The following MMP2 variants were observed in gnomAD, a reference collection of about 807,000 sequenced individuals.
MMP2 encodes matrix metallopeptidase 2.
In MMP2, 39 loss-of-function variants were observed where a neutral mutation model predicts 74.8. The observed-to-expected ratio is 0.52, with a 90% CI of 0.40 to 0.68. The LOEUF is 0.68. MMP2 is among the 30% of genes least tolerant of loss of function. The probability of loss-of-function intolerance (pLI) is 0.00; values close to 1 mark genes in which losing one functional copy is unlikely to be tolerated. For missense variants in MMP2, 803 were observed against 878.3 expected (o/e 0.91, Z 1.08); for synonymous variants, 367 against 339.8 (o/e 1.08, Z -0.88).
chr16:55,500,743 T>A (rs1437558525), intron 11 of MMP2, among the ~76,000 whole-genome samples: 1 of 152,178 alleles, frequency 6.6e-6, no homozygotes, highest in African/African-American at 2.4e-5. Context: ...AGGAGACAGA[T>A]CTCTATTCCA....
chr16:55,488,417 T>G, intron 5 of MMP2, 126 bp from the exon 6 acceptor site: 2 of 943,562 alleles, frequency 2.1e-6, no homozygotes, highest in Non-Finnish European at 3.3e-6. Flanking sequence ...CCAGTAGAGA[T>G]GTTTTCTTAA....
chr16:55,483,809 C>T (rs533806195), intron 2 of MMP2, among the ~76,000 whole-genome samples: 1 of 152,146 alleles, frequency 6.6e-6, no homozygotes. Context: ...TGAGCCCTGC[C>T]CAGCCTACAC....
intron 9 of MMP2, 151 bp from the exon 10 acceptor site, chr16:55,496,775 C>T: frequency 1.9e-6 from 2 of 1,056,086 alleles, no homozygotes; most frequent in Non-Finnish European, 1.4e-6. Flanking sequence ...GCCCGTTCTC[C>T]AGTCCTTCTC....
chr16:55,505,786 G>A lies in MMP2; in HGVS notation c.*344G>A. The A allele has an allele frequency of 2.7e-6, 1 of 376,126 alleles. No homozygotes were observed. Among genetic ancestry groups the A allele is most frequent in the South Asian group, 2.5e-5 (1 of 40,148 alleles). 23.3% of individuals were successfully genotyped at this position (376,126 alleles called of 1,614,324 possible). A position where few individuals can be genotyped will look rare whatever the true frequency, so the allele number is the denominator to read the frequency against. On this transcript the variant is annotated 3_prime_UTR_variant, in exon 13 of 13. Coordinates refer to ENST00000219070, the MANE Select transcript of MMP2 (RefSeq NM_004530.6). The stretch of plus-strand genomic sequence containing the variant: ...CTCTTCTCCTTTCACAACCTTCTGT[G>A]GCTCACAGAACCCTTGGAGCCAATG...
rs1962782670 is a variant in MMP2, at chr16:55,505,636, G to A, written c.*194G>A. The A allele has an allele frequency of 1.6e-6, 1 of 622,398 alleles. No homozygotes were observed. Among genetic ancestry groups the A allele is most frequent in the East Asian group, 2.8e-5 (1 of 36,132 alleles). 38.6% of individuals were successfully genotyped at this position (622,398 alleles called of 1,614,324 possible). On this transcript the variant is annotated 3_prime_UTR_variant, in exon 13 of 13. Coordinates refer to ENST00000219070, the MANE Select transcript of MMP2 (RefSeq NM_004530.6). ...CGGTGCCCAAGAATAGATGCTGACT[G>A]TACTCCTCCCAGGCGCCCCTTCCCC... is the stretch of plus-strand genomic sequence containing the variant.
At position 55,479,496 on chromosome 16, in the gene MMP2, C is replaced by A; in HGVS notation, c.17C>A (p.Ala6Asp). 6.3e-7 allele frequency: 1 copy of A among 1,586,918 alleles called. No individual in the cohort carries two copies. The highest frequency in any genetic ancestry group is 1.1e-5 in the South Asian group (1 of 88,180). Residue 6 changes from alanine (A) to aspartate (D), a missense_variant, in exon 1 of 13, where the codon GCC (alanine) becomes GAC (aspartate). This residue lies in a region of MMP2 where 223 missense variants were observed against 232.8 expected (regional missense o/e 0.96). Transcript: ENST00000219070. The part of the protein sequence containing the change: MEALM[A>D]RGALTGPLRA... ...AGCGCTACGATGGAGGCGCTAATGG[C>A]CCGGGGCGCGCTCACGGGTCCCCTG...
At chr16:55,488,455 G>C (rs1962311858) in intron 5 of MMP2, 88 bp from the exon 6 acceptor site, 1 of 1,283,960 alleles carries the variant, frequency 7.8e-7, no homozygotes, top group Non-Finnish European at 1.1e-6. Flanking sequence ...AACTTCACTG[G>C]TGTGAACCGG....
intron 9 of MMP2, 120 bp from the exon 10 acceptor site, chr16:55,496,806 C>G: frequency 7.3e-7 from 1 of 1,369,064 alleles, no homozygotes; most frequent in Admixed American, 1.8e-5. Flanking sequence ...TTGATCCTGC[C>G]TCCCACTCCC....
At position 55,485,187 on chromosome 16, in the gene MMP2, G is replaced by A. The variant is rs1456403203; in HGVS notation, c.530-112G>A. The A allele has an allele frequency of 8.7e-6, 13 of 1,489,432 alleles. No homozygotes were observed. In the African/African-American group the frequency reaches 1.7e-4, roughly 19 times the overall value. 92.3% of individuals were successfully genotyped at this position (1,489,432 alleles called of 1,614,324 possible). A position where few individuals can be genotyped will look rare whatever the true frequency, so the allele number is the denominator to read the frequency against. ...TCCTGGATAACCCCACTGGGACAAGGGAAGGGGACAGATGCTGGGTGGGCT... is the reference window on the plus strand; with the variant it reads ...TCCTGGATAACCCCACTGGGACAAGAGAAGGGGACAGATGCTGGGTGGGCT... On this transcript the variant is annotated intron_variant, in intron 3 of 12. Transcript: ENST00000219070.
chr16:55,492,049 T>A (rs1181484846), intron 8 of MMP2, 93 bp downstream of exon 8: 1 of 1,298,590 alleles, frequency 7.7e-7, no homozygotes, highest in Admixed American at 1.9e-5. Flanking sequence ...ACCAGCAAGA[T>A]CTCATCCAGC....
intron 12 of MMP2, among the ~76,000 whole-genome samples, chr16:55,504,973 C>T (rs1211960233): frequency 2.0e-5 from 3 of 151,228 alleles, no homozygotes; most frequent in South Asian, 4.2e-4. Context: ...TTTTTTTTGG[C>T]GGGGGGACAA....
chr16:55,493,434 T>C, intron 9 of MMP2, 141 bp downstream of exon 9: 1 of 1,162,346 alleles, frequency 8.6e-7, no homozygotes. Context: ...CTGCTGTGTA[T>C]CAAACAACCT....
chr16:55,487,081 T>G lies in MMP2; in HGVS notation c.832+1304T>G, dbSNP rs1221768331. On this transcript the variant is annotated intron_variant, in intron 5 of 12. Transcript: ENST00000219070. Reference sequence around the variant, plus strand: ...TAGGGATTACATGTGGCGTTAACCCTTCCCTGTGTCACCCCTCTGATAGGA... The same window carrying G: ...TAGGGATTACATGTGGCGTTAACCCGTCCCTGTGTCACCCCTCTGATAGGA... 4 of 152,238 alleles carry G rather than the reference T, an allele frequency of 2.6e-5. No individual in the cohort carries two copies. The East Asian group carries it at 7.7e-4, about 29-fold the overall frequency. 9.4% of individuals were successfully genotyped at this position (152,238 alleles called of 1,614,324 possible).
At position 55,488,790 on chromosome 16, in the gene MMP2, C is replaced by T. The variant is rs1596814973; in HGVS notation, c.1006+74C>T. The T allele has an allele frequency of 3.3e-5, 49 of 1,465,436 alleles. No homozygotes were observed. The East Asian group carries it at 7.2e-4, about 21-fold the overall frequency. The allele number at this position is 1,465,436 out of a possible 1,614,324, so 90.8% of individuals were successfully genotyped here. ...GACAAAAAAAAAACCCATAAGACTCCGAGTGCCCACCTCCTTTCCCCAAGA... is the reference window on the plus strand; with the variant it reads ...GACAAAAAAAAAACCCATAAGACTCTGAGTGCCCACCTCCTTTCCCCAAGA... On this transcript the variant is annotated intron_variant, in intron 6 of 12. Transcript: ENST00000219070.
At chr16:55,483,215 CAG>C (rs1319274123) in intron 2 of MMP2, 80 bp downstream of exon 2, 6 of 1,115,706 alleles carry the variant, frequency 5.4e-6, no homozygotes, top group South Asian at 4.3e-5. Flanking sequence ...TCTCTCCACT[CAG>C]GGGATCCATG....
At chr16:55,492,007 A>C (rs1395350347) in intron 8 of MMP2, 51 bp downstream of exon 8, 3 of 1,553,414 alleles carry the variant, frequency 1.9e-6, no homozygotes, top group Non-Finnish European at 2.6e-6. Context: ...GGGGGAGGTC[A>C]TGTAGCCTGG....
chr16:55,504,196 A>G (rs1422907130), intron 12 of MMP2, among the ~76,000 whole-genome samples: 2 of 152,096 alleles, frequency 1.3e-5, no homozygotes, highest in Non-Finnish European at 2.9e-5. Flanking sequence ...TAGATATTCT[A>G]TATTAGATAT....
chr16:55,506,533 T>A lies in MMP2; in HGVS notation c.*1091T>A, dbSNP rs1404682106. 1 of 152,226 alleles carries A rather than the reference T, an allele frequency of 6.6e-6. No homozygotes were observed. The highest frequency in any genetic ancestry group is 1.5e-5 in the Non-Finnish European group (1 of 68,036). The allele number at this position is 152,226 out of a possible 1,614,324, so 9.4% of individuals were successfully genotyped here. ...TTCTTCATTAGCAATCATATCAGTT[T>A]TAATGCTACTACTAACAATGAACAG... On this transcript the variant is annotated 3_prime_UTR_variant, in exon 13 of 13. Coordinates refer to ENST00000219070, the MANE Select transcript of MMP2 (RefSeq NM_004530.6).
chr16:55,488,763 C>T, intron 6 of MMP2, 47 bp downstream of exon 6: 1 of 1,539,960 alleles, frequency 6.5e-7, no homozygotes, highest in South Asian at 1.2e-5. Context: ...CACCTGCTGT[C>T]TGACAAAAAA....
Sources: allele counts gnomAD v4.1 joint callset (sites outside exome capture counted in the v4.1 genomes callset), GRCh38; gene constraint gnomAD v4.1.1; regional missense constraint gnomAD v4.1.1; transcripts MANE v1.5; gene names NCBI Gene and HGNC (gene_info 2026-07-23, HGNC 2026-07-21).